ZNF407: variants seen among roughly 807,000 people sequenced by gnomAD.
The protein encoded by ZNF407 is zinc finger protein 407.
A neutral mutation model predicts 131.2 loss-of-function variants in ZNF407; 17 were observed. The observed-to-expected ratio is 0.13, with a 90% CI of 0.09 to 0.19. The LOEUF is 0.19. ZNF407 is among the 10% of genes least tolerant of loss of function. ZNF407 has a pLI of 1.00. For synonymous variants in ZNF407, 1,156 were observed against 1,062.0 expected (o/e 1.09, Z -1.72); for missense variants, 2,681 against 2,830.6 (o/e 0.95, Z 1.20).
At chr18:75,045,209 G>A (rs975937022) in intron 8 of ZNF407, among the ~76,000 whole-genome samples, 3 of 152,132 alleles carry the variant, frequency 2.0e-5, no homozygotes, top group Non-Finnish European at 4.4e-5. Context: ...ATGTGCAGAT[G>A]TGATCGTCTC....
At chr18:74,739,487 C>T (rs987817931) in intron 3 of ZNF407, among the ~76,000 whole-genome samples, 1 of 151,472 alleles carries the variant, frequency 6.6e-6, no homozygotes, top group Non-Finnish European at 1.5e-5. Context: ...TACATTTGGG[C>T]TCAGCTTTCC....
intron 8 of ZNF407, among the ~76,000 whole-genome samples, chr18:74,968,673 G>A (rs997698923): frequency 6.6e-6 from 1 of 152,152 alleles, no homozygotes; most frequent in Non-Finnish European, 1.5e-5. Context: ...GTTCCCACAT[G>A]AGTAATACCT....
chr18:74,848,754 C>T (rs866517860), intron 4 of ZNF407, among the ~76,000 whole-genome samples: 5 of 152,082 alleles, frequency 3.3e-5, no homozygotes, highest in African/African-American at 1.2e-4. Flanking sequence ...TTTCATGTAC[C>T]CAAAGTGTTG....
At chr18:74,878,736 C>T (rs1027951167) in intron 5 of ZNF407, among the ~76,000 whole-genome samples, 6 of 151,956 alleles carry the variant, frequency 3.9e-5, no homozygotes, top group African/African-American at 1.5e-4. Context: ...AAGAAGTCTC[C>T]CATTATATCT....
At position 75,064,235 on chromosome 18, in the gene ZNF407, C is replaced by T. The variant is rs1018822309; in HGVS notation, c.6514C>T (p.Leu2172=). 1 of 1,607,202 alleles carries T rather than the reference C, an allele frequency of 6.2e-7. No homozygotes were observed. The highest frequency in any genetic ancestry group is 2.2e-5 in the East Asian group (1 of 44,670). ...GFSEGTTHYI[L]TELPPGVQDE... Reference sequence around the variant, plus strand: ...CTCCGAGGGCACCACGCACTACATCCTGACAGAGCTGCCCCCAGGGGTGCA... The same window carrying T: ...CTCCGAGGGCACCACGCACTACATCTTGACAGAGCTGCCCCCAGGGGTGCA... The change falls in exon 9 of 9, where the codon CTG becomes TTG. Residue 2172 remains leucine (L), a synonymous_variant. Transcript: ENST00000299687.
intron 4 of ZNF407, among the ~76,000 whole-genome samples, chr18:74,866,187 G>A (rs1971007589): frequency 6.6e-6 from 1 of 152,120 alleles, no homozygotes; most frequent in African/African-American, 2.4e-5. Context: ...ATGTTGAATT[G>A]GTCTACTGCA....
In ZNF407 at chr18:74,787,387, T is replaced by C. The variant is rs887989301; in HGVS notation, c.4877+5885T>C. Among the ~76,000 whole-genome samples the C allele has an allele frequency of 4.6e-5, 7 of 152,294 alleles. No individual in the cohort carries two copies. In the East Asian group the frequency reaches 1.4e-3, roughly 29 times the overall value. On this transcript the variant is annotated intron_variant, in intron 4 of 8. Coordinates refer to ENST00000299687, the MANE Select transcript of ZNF407 (RefSeq NM_017757.3). ...ATGTAGATGATCTGTGGTTGCTTCG[T>C]CAGCAATGTGTTATTACTAACAATA...
chr18:74,632,080 C>T lies in ZNF407; in HGVS notation c.1061C>T (p.Thr354Ile). The T allele has an allele frequency of 6.2e-7, 1 of 1,613,760 alleles. No individual in the cohort carries two copies. The highest frequency in any genetic ancestry group is 8.5e-7 in the Non-Finnish European group (1 of 1,179,836). The change falls in exon 2 of 9, where the codon ACT (threonine) becomes ATT (isoleucine). Residue 354 changes from threonine (T) to isoleucine (I), a missense_variant. Transcript: ENST00000299687. Reference protein sequence around the residue: ...LLVEMMPSRNTLSQEVEIVEE... With the variant: ...LLVEMMPSRNILSQEVEIVEE... ...GTTGAAATGATGCCTTCCAGAAATA[C>T]TTTGTCACAGGAAGTAGAGATTGTT... is the stretch of plus-strand genomic sequence containing the variant.
chr18:74,975,759 G>T lies in ZNF407; in HGVS notation c.5428+55067G>T, dbSNP rs560293594. Among the ~76,000 whole-genome samples the T allele has an allele frequency of 2.6e-5, 4 of 152,236 alleles. No homozygotes were observed. The South Asian group carries it at 6.2e-4, about 24-fold the overall frequency. ...TTTCAACCTGCAAAAGGGGGTCTTT[G>T]GGACATGATAATGGGATAACATACA... On this transcript the variant is annotated intron_variant, in intron 8 of 8. Coordinates refer to ENST00000299687, the MANE Select transcript of ZNF407 (RefSeq NM_017757.3).
chr18:74,895,434 A>G (rs746950151), intron 7 of ZNF407, among the ~76,000 whole-genome samples: 169 of 152,098 alleles, frequency 1.1e-3, no homozygotes, highest in Non-Finnish European at 1.9e-3. Context: ...CTTTACCACC[A>G]TTTGATATAT....
At chr18:74,662,862 A>G (rs1414894880) in intron 3 of ZNF407, among the ~76,000 whole-genome samples, 2 of 152,194 alleles carry the variant, frequency 1.3e-5, no homozygotes, top group African/African-American at 4.8e-5. Context: ...TGCCTAATGG[A>G]TTTCTTTACA....
In ZNF407 at chr18:74,632,857, T is replaced by C. The variant is rs1327379973; in HGVS notation, c.1838T>C (p.Met613Thr). 3.1e-6 allele frequency: 5 copies of C among 1,613,502 alleles called. No individual in the cohort carries two copies. The highest frequency in any genetic ancestry group is 4.5e-5 in the East Asian group (2 of 44,878). The change falls in exon 2 of 9, where the codon ATG (methionine) becomes ACG (threonine). Residue 613 changes from methionine to threonine, a missense_variant. Physicochemically the swap from Met to Thr is moderately conservative, Grantham distance 81 (BLOSUM62 -1). This residue lies in a region of ZNF407 where 1,789 missense variants were observed against 1,748.7 expected (regional missense o/e 1.02). Transcript: ENST00000299687. ...LRDHMKEKHN[M>T]HFLCTPCNLF... ...GACCACATGAAGGAAAAGCACAATA[T>C]GCATTTTCTTTGCACCCCTTGTAAT... is the stretch of plus-strand genomic sequence containing the variant.
chr18:74,879,721 TA>T (rs1178882061), intron 5 of ZNF407, among the ~76,000 whole-genome samples: 4 of 152,212 alleles, frequency 2.6e-5, no homozygotes, highest in African/African-American at 9.6e-5. Context: ...GCCTTATTTT[TA>T]AAATGATAAT....
rs146635665 is a variant in ZNF407 at position 74,634,745 on chromosome 18, T to G, written c.3726T>G (p.Gly1242=). The change falls in exon 2 of 9, where the codon GGT becomes GGG. Residue 1242 remains glycine (G), a synonymous_variant. Transcript: ENST00000299687. The part of the protein sequence containing the change: ...GEGGNAGDGG[G]VVPHRHLCPV... The stretch of plus-strand genomic sequence containing the variant: ...GAGGAAACGCAGGAGACGGTGGAGG[T>G]GTTGTCCCCCACAGACACCTGTGCC... 1 of 1,613,854 alleles carries G rather than the reference T, an allele frequency of 6.2e-7. No individual in the cohort carries two copies. The highest frequency in any genetic ancestry group is 8.5e-7 in the Non-Finnish European group (1 of 1,179,872).
chr18:74,697,278 G>A (rs1967382013), intron 3 of ZNF407, among the ~76,000 whole-genome samples: 1 of 152,116 alleles, frequency 6.6e-6, no homozygotes, highest in African/African-American at 2.4e-5. Flanking sequence ...GCTCCTATGA[G>A]GAGAATATAT....
chr18:74,852,075 C>T (rs1409611259), intron 4 of ZNF407, among the ~76,000 whole-genome samples: 3 of 152,106 alleles, frequency 2.0e-5, no homozygotes, highest in Admixed American at 1.3e-4. Context: ...CATGGACAGG[C>T]GCCTACCGCG....
intron 4 of ZNF407, among the ~76,000 whole-genome samples, chr18:74,795,932 C>A (rs1969910473): frequency 1.3e-5 from 2 of 152,210 alleles, no homozygotes; most frequent in South Asian, 4.1e-4. Flanking sequence ...CATTTCATAC[C>A]AGCCTCCCGC....
intron 4 of ZNF407, among the ~76,000 whole-genome samples, chr18:74,871,870 T>C (rs1302099949): frequency 6.6e-6 from 1 of 151,734 alleles, no homozygotes; most frequent in Non-Finnish European, 1.5e-5. Flanking sequence ...TTCTTTCTTT[T>C]TTTTTTTTTG....
At chr18:74,818,997 A>T (rs945856793) in intron 4 of ZNF407, among the ~76,000 whole-genome samples, 14 of 152,134 alleles carry the variant, frequency 9.2e-5, no homozygotes, top group African/African-American at 2.7e-4. Context: ...TCACAGCTGG[A>T]AACATGGCTT....
Sources: gnomAD v4.1 joint callset for allele counts (sites outside exome capture counted in the v4.1 genomes callset) on GRCh38, gnomAD v4.1.1 for gene constraint, gnomAD v4.1.1 regional missense constraint, MANE v1.5 for transcripts, NCBI Gene and HGNC (gene_info 2026-07-23, HGNC 2026-07-21) for gene names.